Variants in SIRPG observed in about 807,000 individuals in gnomAD.
The protein encoded by SIRPG is signal regulatory protein gamma, also known as signal-regulatory protein gamma.
SIRPG carries 38 observed loss-of-function variants against 35.7 expected under a neutral mutation model. The ratio of observed to expected loss-of-function variants is 1.06; its 90% CI spans 0.82 to 1.40. The LOEUF (loss-of-function observed/expected upper bound fraction) is 1.40. Ranked by LOEUF, SIRPG falls within the 40% of genes most tolerant of loss-of-function variation. The probability of loss-of-function intolerance (pLI) is 0.00; values close to 1 mark genes in which losing one functional copy is unlikely to be tolerated. For synonymous variants in SIRPG, 215 were observed against 190.4 expected (o/e 1.13, Z -1.06); for missense variants, 519 against 483.0 (o/e 1.07, Z -0.70).
At chr20:1,674,698 A>G in the SIRPG span, among the ~76,000 whole-genome samples, 3 of 152,174 alleles carry the variant, frequency 2.0e-5, no homozygotes, top group Non-Finnish European at 4.4e-5. Flanking sequence ...CATGATTATC[A>G]GCATTGCACA....
the SIRPG span, among the ~76,000 whole-genome samples, chr20:1,680,255 A>C: frequency 1.3e-5 from 2 of 152,174 alleles, no homozygotes; most frequent in Non-Finnish European, 2.9e-5. Flanking sequence ...GAATTTCCCC[A>C]GGGCTTTTGA....
At position 1,643,474 on chromosome 20, in the gene SIRPG, C is replaced by A. The variant is rs144297969; in HGVS notation, c.430+5578G>T. On this transcript the variant is annotated intron_variant, in intron 2 of 5. Coordinates refer to ENST00000303415, the MANE Select transcript of SIRPG (RefSeq NM_018556.4). ...TTTTCTGGTTACCAGCTCCTGTAAC[C>A]TTTTATTAAGATTCTTAGCTTCTTT... is the stretch of plus-strand genomic sequence containing the variant. 4.2e-3 allele frequency among the ~76,000 whole-genome samples: 645 copies of A among 152,144 alleles called. 5 individuals carry two copies. Among genetic ancestry groups the A allele is most frequent in the African/African-American group, 0.014 (565 of 41,524 alleles).
chr20:1,636,915 G>A (rs1257718444), intron 2 of SIRPG, among the ~76,000 whole-genome samples: 4 of 152,170 alleles, frequency 2.6e-5, no homozygotes, highest in Non-Finnish European at 4.4e-5. Flanking sequence ...TGGCAAAGTG[G>A]CGCCACCATG....
chr20:1,668,561 C>T, the SIRPG span, among the ~76,000 whole-genome samples: 2 of 152,026 alleles, frequency 1.3e-5, no homozygotes, highest in Non-Finnish European at 2.9e-5. Context: ...GGATTACAGG[C>T]GTGAGCCACC....
At chr20:1,664,302 G>A in the SIRPG span, among the ~76,000 whole-genome samples, 6 of 152,252 alleles carry the variant, frequency 3.9e-5, no homozygotes, top group African/African-American at 9.6e-5. Context: ...TAAACAAAGA[G>A]GAAAGAGAAC....
chr20:1,686,376 G>T, the SIRPG span, among the ~76,000 whole-genome samples: 1 of 152,186 alleles, frequency 6.6e-6, no homozygotes, highest in Non-Finnish European at 1.5e-5. Context: ...AGGACCAGGA[G>T]GGTGGGGCCA....
chr20:1,647,134 C>T (rs1256081698), intron 2 of SIRPG: 1 of 152,198 alleles, frequency 6.6e-6, no homozygotes. Context: ...CAGATCTCCT[C>T]TCTGAGCCTC....
At chr20:1,658,823 C>T (rs1279251257), upstream of SIRPG, among the ~76,000 whole-genome samples, 1 of 152,148 alleles carries the variant, frequency 6.6e-6, no homozygotes, top group Non-Finnish European at 1.5e-5. Context: ...GTGGCTTTCT[C>T]CCAGCAACCC....
the SIRPG span, chr20:1,666,529 G>C: frequency 6.6e-6 from 1 of 152,198 alleles, no homozygotes; most frequent in Admixed American, 6.5e-5. Context: ...GAGTGAACCA[G>C]CCCAGGTCAA....
At chr20:1,630,496 T>A (rs1044419812) in intron 4 of SIRPG, 190 bp from the exon 5 acceptor site, 1 of 560,024 alleles carries the variant, frequency 1.8e-6, no homozygotes, top group Non-Finnish European at 3.1e-6. Context: ...TTCTCACTCA[T>A]CCTGTCCCAG....
chr20:1,655,510 CG>C lies in SIRPG; in HGVS notation c.73+2131del, dbSNP rs1426014954. On this transcript the variant is annotated intron_variant, in intron 1 of 5. Transcript: ENST00000303415. The stretch of plus-strand genomic sequence containing the variant: ...AAGTAGAAAGTAGAATGGTGTTTAT[CG>C]GGGGCTAGAGAGGGGGTGTAGTTGG... Among the ~76,000 whole-genome samples the C allele has an allele frequency of 6.6e-5, 10 of 150,766 alleles. No homozygotes were observed. The East Asian group carries it at 2.0e-3, about 29-fold the overall frequency.
chr20:1,639,243 TA>T (rs878889896), intron 2 of SIRPG, among the ~76,000 whole-genome samples: 1 of 152,166 alleles, frequency 6.6e-6, no homozygotes, highest in Non-Finnish European at 1.5e-5. Context: ...ACCAAGAATG[TA>T]AAAACGCTCC....
Position 1,657,644 on chromosome 20 carries a change from G to A in SIRPG, c.71C>T (p.Thr24Ile). Reference sequence around the variant, plus strand: ...TTCTAGCCCAATGCAATGCTCACCTGTAAGTCCCAGCAGTAGAGTCAGAAG... The same window carrying A: ...TTCTAGCCCAATGCAATGCTCACCTATAAGTCCCAGCAGTAGAGTCAGAAG... ...FLLLTLLLGL[T>I]EVAGEEELQM... The change falls in exon 1 of 6, where the codon ACA becomes ATA. Residue 24 changes from threonine to isoleucine, a missense_variant and splice_region_variant. Coordinates refer to ENST00000303415, the MANE Select transcript of SIRPG (RefSeq NM_018556.4). The A allele has an allele frequency of 1.2e-6, 2 of 1,614,150 alleles. No homozygotes were observed. Among genetic ancestry groups the A allele is most frequent in the South Asian group, 1.1e-5 (1 of 91,090 alleles).
chr20:1,666,980 C>A, the SIRPG span, among the ~76,000 whole-genome samples: 1 of 151,840 alleles, frequency 6.6e-6, no homozygotes, highest in Admixed American at 6.6e-5. Context: ...GGCGTGATCG[C>A]GGTTCACCAC....
At chr20:1,655,502 G>A (rs1212156104) in intron 1 of SIRPG, among the ~76,000 whole-genome samples, 1 of 151,860 alleles carries the variant, frequency 6.6e-6, no homozygotes, top group East Asian at 1.9e-4. Context: ...AAGTAGAATG[G>A]TGTTTATCGG....
chr20:1,644,822 C>T (rs1465258678), intron 2 of SIRPG, among the ~76,000 whole-genome samples: 2 of 152,236 alleles, frequency 1.3e-5, no homozygotes, highest in African/African-American at 4.8e-5. Flanking sequence ...CCACAGCTCT[C>T]AGGGGGCCTC....
the SIRPG span, among the ~76,000 whole-genome samples, chr20:1,679,805 G>C: frequency 6.6e-6 from 1 of 151,970 alleles, no homozygotes; most frequent in South Asian, 2.1e-4. Flanking sequence ...AATGCTCATG[G>C]CTTGCTAATT....
At chr20:1,663,103 G>T in the SIRPG span, among the ~76,000 whole-genome samples, 2 of 152,096 alleles carry the variant, frequency 1.3e-5, no homozygotes, top group African/African-American at 4.8e-5. Context: ...CACGAGGTCA[G>T]GAGATCGAGA....
intron 1 of SIRPG, 25 bp downstream of exon 1, chr20:1,657,617 G>A (rs771411712): frequency 6.2e-7 from 1 of 1,612,140 alleles, no homozygotes; most frequent in African/African-American, 1.3e-5. Context: ...AGGGAGAAAG[G>A]GTTCTAGCCC....
Sources: gnomAD v4.1 joint callset for allele counts (sites outside exome capture counted in the v4.1 genomes callset) on GRCh38, gnomAD v4.1.1 for gene constraint, MANE v1.5 for transcripts, NCBI Gene and HGNC (gene_info 2026-07-23, HGNC 2026-07-21) for gene names.